Variants in HPF1 observed in about 807,000 individuals in gnomAD.
The protein encoded by HPF1 is UPF0609 protein C4orf27.
HPF1 carries 35 observed loss-of-function variants against 38.8 expected under a neutral mutation model. That is an observed-to-expected ratio of 0.90 (90% CI 0.69 to 1.19). The LOEUF (loss-of-function observed/expected upper bound fraction) is 1.19. Among genes scored for constraint, HPF1 ranks in the 50% most tolerant of loss-of-function variants. The pLI, the probability that HPF1 is intolerant of heterozygous loss-of-function variation, is 0.00. For synonymous variants in HPF1, 115 were observed against 139.2 expected (o/e 0.83, Z 1.22); for missense variants, 367 against 405.8 (o/e 0.90, Z 0.82).
intron 6 of HPF1, among the ~76,000 whole-genome samples, chr4:169,733,917 C>G (rs1172352548): frequency 6.6e-6 from 1 of 150,404 alleles, no homozygotes; most frequent in East Asian, 1.9e-4. Flanking sequence ...AAAAAAATTA[C>G]CAAGGATGGT....
In HPF1 at chr4:169,748,840, T is replaced by A. The variant is rs750156960; in HGVS notation, c.401A>T (p.Asp134Val). 5.6e-6 allele frequency: 8 copies of A among 1,430,592 alleles called. No individual in the cohort carries two copies. In the South Asian group the frequency reaches 9.0e-5, roughly 16 times the overall value. The allele number at this position is 1,430,592 out of a possible 1,614,324, so 88.6% of individuals were successfully genotyped here. A position where few individuals can be genotyped will look rare whatever the true frequency, so the allele number is the denominator to read the frequency against. Reference protein sequence around the residue: ...KTQYHMGYFRDSPDEFPVYVG... With the variant: ...KTQYHMGYFRVSPDEFPVYVG... Reference sequence around the variant, plus strand: ...ATATACAGGAAATTCATCAGGAGAATCCCTGTGTAAGCAAAAGACATTAAA... The same window carrying A: ...ATATACAGGAAATTCATCAGGAGAAACCCTGTGTAAGCAAAAGACATTAAA... Residue 134 changes from aspartate (D) to valine (V), a missense_variant and splice_region_variant, in exon 4 of 8, where the codon GAT becomes GTT. By Grantham distance (152) the Asp-to-Val change is radical (BLOSUM62 -3). Transcript: ENST00000393381.
At chr4:169,755,067 C>A (rs79485554) in intron 1 of HPF1, among the ~76,000 whole-genome samples, 1 of 51,498 alleles carries the variant, frequency 1.9e-5, no homozygotes, top group Non-Finnish European at 3.1e-5. Flanking sequence ...CCTCCCCCCG[C>A]CCCCTCATAT....
intron 5 of HPF1, among the ~76,000 whole-genome samples, chr4:169,738,906 A>G (rs1733931240): frequency 6.6e-6 from 1 of 151,586 alleles, no homozygotes; most frequent in African/African-American, 2.4e-5. Context: ...ACCAAACACT[A>G]CATGTTCTCA....
chr4:169,730,995 C>G (rs1733821314), intron 7 of HPF1, among the ~76,000 whole-genome samples: 1 of 152,206 alleles, frequency 6.6e-6, no homozygotes, highest in Non-Finnish European at 1.5e-5. Flanking sequence ...TGGGTATGCA[C>G]TCGTGCACAT....
intron 5 of HPF1, among the ~76,000 whole-genome samples, chr4:169,739,274 A>C (rs1733936333): frequency 6.6e-6 from 1 of 152,206 alleles, no homozygotes; most frequent in South Asian, 2.1e-4. Context: ...AACTGATAAA[A>C]TATATCTGCA....
chr4:169,744,963 GA>G (rs1734027801), intron 4 of HPF1, among the ~76,000 whole-genome samples: 1 of 150,498 alleles, frequency 6.6e-6, no homozygotes, highest in Non-Finnish European at 1.5e-5. Flanking sequence ...TGTACAATAA[GA>G]AAAAAAAAGA....
chr4:169,750,545 C>T lies in HPF1; in HGVS notation c.389G>A (p.Gly130Glu), dbSNP rs761309577. 5 of 1,596,816 alleles carry T rather than the reference C, an allele frequency of 3.1e-6. No individual in the cohort carries two copies. The highest frequency in any genetic ancestry group is 4.3e-6 in the Non-Finnish European group (5 of 1,171,602). The change falls in exon 3 of 8, where the codon GGG (glycine) becomes GAG (glutamate). Residue 130 changes from glycine (G) to glutamate (E), a missense_variant. Transcript: ENST00000393381. The part of the protein sequence containing the change: ...IGDNKTQYHM[G>E]YFRDSPDEFP... ...AGAAAAGATCCTTTACCTGAAATAC[C>T]CCATGTGGTACTGAGTTTTATTATC... is the stretch of plus-strand genomic sequence containing the variant.
intron 4 of HPF1, among the ~76,000 whole-genome samples, chr4:169,743,752 A>G (rs187681150): frequency 1.7e-4 from 26 of 151,822 alleles, no homozygotes; most frequent in African/African-American, 6.3e-4. Flanking sequence ...GGGAGTAACA[A>G]CTCCTAGGAA....
At chr4:169,731,658 A>G (rs755983554) in intron 7 of HPF1, 46 bp downstream of exon 7, 1 of 1,423,244 alleles carries the variant, frequency 7.0e-7, no homozygotes, top group South Asian at 1.5e-5. Flanking sequence ...CGGGGAGAGG[A>G]GGGAGGTGTG....
At chr4:169,755,510 T>C (rs765557197) in intron 1 of HPF1, among the ~76,000 whole-genome samples, 1 of 152,220 alleles carries the variant, frequency 6.6e-6, no homozygotes, top group Non-Finnish European at 1.5e-5. Flanking sequence ...ATTAACTGTG[T>C]TATCTTTGGC....
intron 5 of HPF1, among the ~76,000 whole-genome samples, chr4:169,741,462 A>G (rs1733967868): frequency 6.6e-6 from 1 of 152,220 alleles, no homozygotes; most frequent in Non-Finnish European, 1.5e-5. Flanking sequence ...CTGAAAAACC[A>G]AAAGAATCCA....
chr4:169,749,296 A>G (rs570795556), intron 3 of HPF1, among the ~76,000 whole-genome samples: 3 of 152,314 alleles, frequency 2.0e-5, no homozygotes, highest in East Asian at 3.9e-4. Flanking sequence ...TCAGTTTAGT[A>G]GGTAGCATCC....
At chr4:169,733,737 A>C (rs2150288843) in intron 6 of HPF1, among the ~76,000 whole-genome samples, 1 of 152,130 alleles carries the variant, frequency 6.6e-6, no homozygotes, top group East Asian at 1.9e-4. Context: ...CTCTACAAAA[A>C]ATAGAGAAAT....
intron 6 of HPF1, among the ~76,000 whole-genome samples, chr4:169,733,564 T>C (rs1733856797): frequency 6.6e-6 from 1 of 152,198 alleles, no homozygotes; most frequent in Admixed American, 6.5e-5. Context: ...CACAACGTTC[T>C]GATGAGACTA....
Position 169,745,174 on chromosome 4 carries a change from G to A in HPF1, c.498-3067C>T, listed in dbSNP as rs114138162. 5.8e-3 allele frequency among the ~76,000 whole-genome samples: 890 copies of A among 152,268 alleles called. 10 individuals are homozygous for A. Among genetic ancestry groups the A allele is most frequent in the African/African-American group, 0.02 (827 of 41,542 alleles). ...AACTACCATGGGTGAGAGGATCTTT[G>A]GGGGTGTGTGACCCTTGAAGTCGGA... is the stretch of plus-strand genomic sequence containing the variant. On this transcript the variant is annotated intron_variant, in intron 4 of 7. Transcript: ENST00000393381.
At chr4:169,757,272 C>T (rs148918753) in intron 1 of HPF1, among the ~76,000 whole-genome samples, 1 of 152,340 alleles carries the variant, frequency 6.6e-6, no homozygotes, top group East Asian at 1.9e-4. Flanking sequence ...TTTTATGTCT[C>T]AGAATCTTAC....
Position 169,729,484 on chromosome 4 carries a change from ATGTT to A in HPF1, c.*90_*93del, listed in dbSNP as rs1733800419. ...AGAACCTTATAAACGTTTTTAGTAA[ATGTT>A]TATTTTTTGTATTCCTTAAAAACAA... On this transcript the variant is annotated 3_prime_UTR_variant, in exon 8 of 8. Transcript: ENST00000393381. 3 of 1,112,226 alleles carry A rather than the reference ATGTT, an allele frequency of 2.7e-6. No homozygotes were observed. Among genetic ancestry groups the A allele is most frequent in the African/African-American group, 3.2e-5 (2 of 62,358 alleles). 68.9% of individuals were successfully genotyped at this position (1,112,226 alleles called of 1,614,324 possible).
intron 6 of HPF1, among the ~76,000 whole-genome samples, chr4:169,735,336 G>C (rs1181198265): frequency 1.3e-5 from 2 of 152,148 alleles, no homozygotes; most frequent in South Asian, 2.1e-4. Flanking sequence ...TATTTGCTAA[G>C]TTAAAGCGTT....
chr4:169,743,176 C>CT (rs1403648516), intron 4 of HPF1, among the ~76,000 whole-genome samples: 2 of 151,902 alleles, frequency 1.3e-5, no homozygotes, highest in East Asian at 3.9e-4. Flanking sequence ...GTGGCAGGGT[C>CT]TCAGCTCACT....
Sources: allele counts gnomAD v4.1 joint callset (sites outside exome capture counted in the v4.1 genomes callset), GRCh38; gene constraint gnomAD v4.1.1; transcripts MANE v1.5; gene names NCBI Gene and HGNC (gene_info 2026-07-23, HGNC 2026-07-21).